The following ULK4 variants were observed in gnomAD, a reference collection of about 807,000 sequenced individuals.
ULK4 encodes unc-51 like kinase 4, also known as inactive serine/threonine-protein kinase ULK4.
A neutral mutation model predicts 160.6 loss-of-function variants in ULK4; 133 were observed. That is an observed-to-expected ratio of 0.83 (90% CI 0.72 to 0.96). The LOEUF is 0.96. Ranked by LOEUF, ULK4 falls within the 40% of genes least tolerant of loss-of-function variation. ULK4 has a pLI of 0.00. For missense variants in ULK4, 1,580 were observed against 1,499.5 expected (o/e 1.05, Z -0.89); for synonymous variants, 534 against 539.8 (o/e 0.99, Z 0.15).
At chr3:41,841,757 A>G (rs1171800258) in intron 17 of ULK4, among the ~76,000 whole-genome samples, 1 of 152,208 alleles carries the variant, frequency 6.6e-6, no homozygotes, top group African/African-American at 2.4e-5. Flanking sequence ...GTGTAGAAAG[A>G]AGTTGACATA....
intron 30 of ULK4, among the ~76,000 whole-genome samples, chr3:41,655,457 A>AC (rs1280405086): frequency 3.9e-5 from 6 of 152,038 alleles, no homozygotes; most frequent in Non-Finnish European, 5.9e-5. Flanking sequence ...CAGCACACCA[A>AC]CATGGCACAT....
At chr3:41,672,621 T>C (rs932879389) in intron 29 of ULK4, among the ~76,000 whole-genome samples, 2 of 152,098 alleles carry the variant, frequency 1.3e-5, no homozygotes, top group African/African-American at 4.8e-5. Context: ...AAGGAATAGT[T>C]CTACTCTTTG....
intron 12 of ULK4, 29 bp from the exon 13 acceptor site, chr3:41,900,858 T>C (rs1485051534): frequency 2.6e-6 from 4 of 1,535,064 alleles, no homozygotes; most frequent in Non-Finnish European, 3.6e-6. Context: ...TTAGACTTTG[T>C]TTCTGCGACT....
intron 31 of ULK4, among the ~76,000 whole-genome samples, chr3:41,586,478 C>A (rs1454629546): frequency 6.6e-6 from 1 of 151,884 alleles, no homozygotes; most frequent in Admixed American, 6.6e-5. Context: ...CAGGTGACTG[C>A]AAAGAGATTA....
intron 29 of ULK4, among the ~76,000 whole-genome samples, chr3:41,664,949 T>C (rs1413945333): frequency 6.6e-6 from 1 of 152,220 alleles, no homozygotes; most frequent in Non-Finnish European, 1.5e-5. Context: ...TTATGTACTA[T>C]GTCTTACCTA....
intron 17 of ULK4, among the ~76,000 whole-genome samples, chr3:41,875,077 G>A (rs913460491): frequency 6.6e-6 from 1 of 152,200 alleles, no homozygotes; most frequent in African/African-American, 2.4e-5. Context: ...CTACTGGGGA[G>A]GCTGAAGTGG....
chr3:41,615,211 G>A (rs1311502347), intron 31 of ULK4, among the ~76,000 whole-genome samples: 1 of 152,176 alleles, frequency 6.6e-6, no homozygotes, highest in Non-Finnish European at 1.5e-5. Context: ...GTGTATGGAA[G>A]CTAAGCTATT....
At chr3:41,470,036 A>AAG (rs1203103078) in intron 32 of ULK4, among the ~76,000 whole-genome samples, 1 of 148,716 alleles carries the variant, frequency 6.7e-6, no homozygotes, top group Non-Finnish European at 1.5e-5. Context: ...AAAAAAAAAA[A>AAG]AAAAAAAAAA....
At chr3:41,438,432 C>A (rs1425827828) in intron 34 of ULK4, among the ~76,000 whole-genome samples, 1 of 151,976 alleles carries the variant, frequency 6.6e-6, no homozygotes, top group Non-Finnish European at 1.5e-5. Flanking sequence ...CAGGATGGTG[C>A]GTGAGTTCAA....
intron 27 of ULK4, 136 bp downstream of exon 27, chr3:41,704,921 C>A: frequency 3.4e-6 from 2 of 582,632 alleles, no homozygotes; most frequent in Non-Finnish European, 2.9e-6. Flanking sequence ...TTCATCCTGC[C>A]AGGGTAGGGG....
chr3:41,661,288 C>G (rs2035147332), intron 30 of ULK4, among the ~76,000 whole-genome samples: 1 of 152,010 alleles, frequency 6.6e-6, no homozygotes, highest in Non-Finnish European at 1.5e-5. Flanking sequence ...ATCTCCAAAT[C>G]ATTTTGATAA....
chr3:41,368,151 C>T (rs2081289690), intron 35 of ULK4, among the ~76,000 whole-genome samples: 1 of 151,722 alleles, frequency 6.6e-6, no homozygotes, highest in Non-Finnish European at 1.5e-5. Context: ...GGGTTAACGC[C>T]ATTCTCCTGC....
At chr3:41,653,418 T>C (rs1212302195) in intron 30 of ULK4, among the ~76,000 whole-genome samples, 2 of 152,220 alleles carry the variant, frequency 1.3e-5, no homozygotes, top group Non-Finnish European at 2.9e-5. Flanking sequence ...CCCAGTGGCA[T>C]GGTATGCCCT....
chr3:41,858,998 G>A (rs2042436720), intron 17 of ULK4, among the ~76,000 whole-genome samples: 1 of 152,106 alleles, frequency 6.6e-6, no homozygotes. Flanking sequence ...CACTTCATTG[G>A]TTCCCATGTG....
At chr3:41,653,377 C>A (rs2125743523) in intron 30 of ULK4, among the ~76,000 whole-genome samples, 2 of 152,340 alleles carry the variant, frequency 1.3e-5, no homozygotes, top group African/African-American at 4.8e-5. Flanking sequence ...CCTCTGCCCC[C>A]TGACTGGCCC....
At chr3:41,951,229 A>C (rs1216743867) in intron 2 of ULK4, among the ~76,000 whole-genome samples, 2 of 151,422 alleles carry the variant, frequency 1.3e-5, no homozygotes, top group African/African-American at 2.4e-5. Flanking sequence ...TTCAGATATT[A>C]ATAATTAACA....
intron 34 of ULK4, among the ~76,000 whole-genome samples, chr3:41,453,052 A>G (rs2083457625): frequency 6.6e-6 from 1 of 152,160 alleles, no homozygotes; most frequent in Non-Finnish European, 1.5e-5. Flanking sequence ...ACTTATGTGG[A>G]AGGCAAGGAT....
intron 32 of ULK4, among the ~76,000 whole-genome samples, chr3:41,553,415 T>G (rs1247507836): frequency 6.6e-6 from 1 of 151,744 alleles, no homozygotes; most frequent in Non-Finnish European, 1.5e-5. Context: ...ATAATTCCAT[T>G]AAAAAGTAGC....
chr3:41,564,775 T>C (rs2087730590), intron 32 of ULK4, among the ~76,000 whole-genome samples: 1 of 152,074 alleles, frequency 6.6e-6, no homozygotes, highest in African/African-American at 2.4e-5. Context: ...GTATTTGTTT[T>C]TTATAAATCG....
Sources: allele counts gnomAD v4.1 joint callset (sites outside exome capture counted in the v4.1 genomes callset), GRCh38; gene constraint gnomAD v4.1.1; transcripts MANE v1.5; gene names NCBI Gene and HGNC (gene_info 2026-07-23, HGNC 2026-07-21).